PIEZO1: variants seen among roughly 807,000 people sequenced by gnomAD.
The protein encoded by PIEZO1 is piezo type mechanosensitive ion channel component 1 (Er blood group).
PIEZO1 carries 296 observed loss-of-function variants against 297.2 expected under a neutral mutation model. The observed-to-expected ratio is 1.00, with a 90% CI of 0.91 to 1.10. PIEZO1 has a LOEUF of 1.10. Ranked by LOEUF, PIEZO1 falls within the 50% of genes least tolerant of loss-of-function variation. The pLI, the probability that PIEZO1 is intolerant of heterozygous loss-of-function variation, is 0.00. For missense variants in PIEZO1, 5,018 were observed against 3,455.5 expected, an observed-to-expected ratio of 1.45 and a Z score of -11.34; for synonymous variants, 2,427 against 1,507.5, an observed-to-expected ratio of 1.61 and a Z score of -14.13.
At chr16:88,780,311 C>A (rs1484355067) in intron 1 of PIEZO1, among the ~76,000 whole-genome samples, 1 of 152,296 alleles carries the variant, frequency 6.6e-6, no homozygotes, top group African/African-American at 2.4e-5. Context: ...ATAGGCTCAA[C>A]AGCCGCACCC....
Position 88,733,008 on chromosome 16 carries a change from T to A in PIEZO1, c.2664+270A>T, listed in dbSNP as rs1158634042. Reference sequence around the variant, plus strand: ...GCAGAGATGCCTGACTGTCTCTCCCTGTCCAGGGGTGGGGCCCTCCCGTCC... The same window carrying A: ...GCAGAGATGCCTGACTGTCTCTCCCAGTCCAGGGGTGGGGCCCTCCCGTCC... On this transcript the variant is annotated intron_variant, in intron 19 of 50. Transcript: ENST00000301015. 1.0e-5 allele frequency: 6 copies of A among 579,308 alleles called. No homozygotes were observed. In the Admixed American group the frequency reaches 1.9e-4, roughly 18 times the overall value. The allele number at this position is 579,308 out of a possible 1,614,324, so 35.9% of individuals were successfully genotyped here. A position where few individuals can be genotyped will look rare whatever the true frequency, so the allele number is the denominator to read the frequency against.
chr16:88,727,896 G>C (rs562502451), intron 22 of PIEZO1: 10 of 354,884 alleles, frequency 2.8e-5, no homozygotes, highest in African/African-American at 1.7e-4. Context: ...GGAGGCCAGA[G>C]AGCACGGGGG....
Position 88,716,295 on chromosome 16 carries a change from C to CA in PIEZO1, c.7050-19dup. 1 of 1,488,094 alleles carries CA rather than the reference C, an allele frequency of 6.7e-7. No individual in the cohort carries two copies. The highest frequency in any genetic ancestry group is 9.0e-7 in the Non-Finnish European group (1 of 1,113,270). The allele number at this position is 1,488,094 out of a possible 1,614,324, so 92.2% of individuals were successfully genotyped here. ...GGATGACCCTGCAGGGAGGTGCTGG[C>CA]AGGTCAGGCCTGGCCCAGCCAACCT... On this transcript the variant is annotated intron_variant, in intron 48 of 50. Coordinates refer to ENST00000301015, the MANE Select transcript of PIEZO1 (RefSeq NM_001142864.4).
chr16:88,716,315 C>A lies in PIEZO1; in HGVS notation c.7050-38G>T, dbSNP rs942739465. 12 of 1,496,338 alleles carry A rather than the reference C, an allele frequency of 8.0e-6. No homozygotes were observed. The East Asian group carries it at 3.0e-4, about 37-fold the overall frequency. The allele number at this position is 1,496,338 out of a possible 1,614,324, so 92.7% of individuals were successfully genotyped here. A position where few individuals can be genotyped will look rare whatever the true frequency, so the allele number is the denominator to read the frequency against. ...GCTGGCAGGTCAGGCCTGGCCCAGCCAACCTGGCACAGCCCTCCTGCCCAC... is the reference window on the plus strand; with the variant it reads ...GCTGGCAGGTCAGGCCTGGCCCAGCAAACCTGGCACAGCCCTCCTGCCCAC... On this transcript the variant is annotated intron_variant, in intron 48 of 50. Transcript: ENST00000301015.
Position 88,735,201 on chromosome 16 carries a change from T to C in PIEZO1, c.1603A>G (p.Lys535Glu). ...TCTGCCCACTTCAGCAGCTTCTCTT[T>C]CACAAACTGGCGCAGCAGGAGCCAG... ...TFWLLLRQFV[K>E]EKLLKWAESP... Residue 535 changes from lysine (K) to glutamate (E), a missense_variant, in exon 13 of 51, where the codon AAA becomes GAA. Lys to Glu is a moderately conservative substitution (Grantham distance 56, BLOSUM62 1). Coordinates refer to ENST00000301015, the MANE Select transcript of PIEZO1 (RefSeq NM_001142864.4). 1.3e-6 allele frequency: 2 copies of C among 1,550,392 alleles called. No homozygotes were observed. The highest frequency in any genetic ancestry group is 1.7e-6 in the Non-Finnish European group (2 of 1,146,930).
intron 22 of PIEZO1, among the ~76,000 whole-genome samples, chr16:88,730,400 C>T (rs1255969318): frequency 6.6e-6 from 1 of 151,818 alleles, no homozygotes; most frequent in Admixed American, 6.6e-5. Flanking sequence ...GAGTTCAAGA[C>T]CAGCCTGGCC....
At chr16:88,779,906 G>T (rs910016145) in intron 1 of PIEZO1, among the ~76,000 whole-genome samples, 1 of 152,244 alleles carries the variant, frequency 6.6e-6, no homozygotes, top group African/African-American at 2.4e-5. Flanking sequence ...AGCCTTCCGG[G>T]GGGGACGGCT....
intron 1 of PIEZO1, among the ~76,000 whole-genome samples, chr16:88,757,432 G>T (rs1906730122): frequency 6.6e-6 from 1 of 151,940 alleles, no homozygotes; most frequent in Non-Finnish European, 1.5e-5. Flanking sequence ...GCAGGGGCGG[G>T]TGGGAACAGG....
At position 88,727,167 on chromosome 16, in the gene PIEZO1, G is replaced by C; in HGVS notation, c.3327C>G (p.Ala1109=). The part of the protein sequence containing the change: ...LISDFLLLLC[A]SQQWQVFSAE... ...CTGAGAACACCTGCCACTGCTGGGA[G>C]GCGCACAGCAGCAGGAGAAAGTCGC... The change falls in exon 24 of 51, where the codon GCC becomes GCG. Residue 1109 remains alanine, a synonymous_variant. Transcript: ENST00000301015. 6.5e-7 allele frequency: 1 copy of C among 1,545,372 alleles called. No homozygotes were observed. The highest frequency in any genetic ancestry group is 8.7e-7 in the Non-Finnish European group (1 of 1,143,646).
At chr16:88,770,929 G>C (rs1291221499) in intron 1 of PIEZO1, among the ~76,000 whole-genome samples, 1 of 152,184 alleles carries the variant, frequency 6.6e-6, no homozygotes, top group Non-Finnish European at 1.5e-5. Flanking sequence ...GGCGGCACTG[G>C]AGAGACTCCC....
intron 1 of PIEZO1, among the ~76,000 whole-genome samples, chr16:88,761,043 A>G (rs1906910668): frequency 1.3e-5 from 2 of 152,132 alleles, no homozygotes; most frequent in South Asian, 4.1e-4. Flanking sequence ...CCTCCCGGAC[A>G]CACTCAGCCC....
At position 88,722,669 on chromosome 16, in the gene PIEZO1, G is replaced by A. The variant is rs752838270; in HGVS notation, c.4689C>T (p.Gly1563=). 18 of 1,537,764 alleles carry A rather than the reference G, an allele frequency of 1.2e-5. No individual in the cohort carries two copies. Among genetic ancestry groups the A allele is most frequent in the African/African-American group, 8.2e-5 (6 of 73,026 alleles). The change falls in exon 35 of 51, where the codon GGC becomes GGT. Residue 1563 remains glycine (G), a synonymous_variant. Coordinates refer to ENST00000301015, the MANE Select transcript of PIEZO1 (RefSeq NM_001142864.4). ...ELLQGGEVHR[G]VLDQLYTSQA... ...GGCTTGTGTACAGCTGATCCAGCAC[G>A]CCCCTGTGCACTTCGCCGCCCTGCA... is the stretch of plus-strand genomic sequence containing the variant.
intron 5 of PIEZO1, chr16:88,741,228 G>A (rs374647923): frequency 4.4e-6 from 2 of 451,920 alleles, no homozygotes; most frequent in Non-Finnish European, 8.0e-6. Context: ...GAGTTCCTAA[G>A]GGCACAGATG....
rs139681582 is a variant in PIEZO1, at chr16:88,749,208, C to G, written c.160+176G>C. On this transcript the variant is annotated intron_variant, in intron 2 of 50. Transcript: ENST00000301015. The stretch of plus-strand genomic sequence containing the variant: ...TGAGCAGAGATCGCGCCACTGCACT[C>G]CAGCCTGGGCGACTGAGCGAGACTC... Among the ~76,000 whole-genome samples, 4,950 of 152,062 alleles carry G rather than the reference C, an allele frequency of 0.033. 133 individuals are homozygous for G. Among genetic ancestry groups the G allele is most frequent in the East Asian group, 0.16 (817 of 5,128 alleles).
chr16:88,720,095 G>C lies in PIEZO1; in HGVS notation c.6138C>G (p.Phe2046Leu). The C allele has an allele frequency of 6.5e-7, 1 of 1,550,386 alleles. No homozygotes were observed. Among genetic ancestry groups the C allele is most frequent in the Non-Finnish European group, 8.7e-7 (1 of 1,146,984 alleles). Residue 2046 changes from phenylalanine to leucine, a missense_variant, in exon 42 of 51, where the codon TTC (phenylalanine) becomes TTG (leucine). Coordinates refer to ENST00000301015, the MANE Select transcript of PIEZO1 (RefSeq NM_001142864.4). ...TCTCAGTGACGGCGGGCAGGATGAA[G>C]AACATCCATAGGTGGATGGCCAGCA... ...ALVLAIHLWM[F>L]FILPAVTERM...
chr16:88,736,002 T>C, intron 12 of PIEZO1, 146 bp downstream of exon 12: 1 of 768,682 alleles, frequency 1.3e-6, no homozygotes, highest in South Asian at 1.8e-5. Context: ...TACTCTGGGC[T>C]GGCTCTGGGT....
chr16:88,735,302 G>GCC (rs1490774063), intron 12 of PIEZO1, 56 bp from the exon 13 acceptor site: 1 of 1,274,768 alleles, frequency 7.8e-7, no homozygotes, highest in African/African-American at 1.5e-5. Flanking sequence ...CCCTCCCACA[G>GCC]CCGGGGGACC....
intron 1 of PIEZO1, among the ~76,000 whole-genome samples, chr16:88,757,776 G>A (rs1906746466): frequency 6.6e-6 from 1 of 152,156 alleles, no homozygotes; most frequent in Admixed American, 6.5e-5. Context: ...ACCTAAGGGT[G>A]GCACCATCCC....
rs143301625 is a variant in PIEZO1, at chr16:88,736,626, C to A, written c.1296+13G>T. ...AGAGGGGGCCGCCCACCCCAACCCCCACAGCCGCCTACCATCATGGCAATG... is the reference window on the plus strand; with the variant it reads ...AGAGGGGGCCGCCCACCCCAACCCCAACAGCCGCCTACCATCATGGCAATG... On this transcript the variant is annotated intron_variant, in intron 11 of 50. Transcript: ENST00000301015. The A allele has an allele frequency of 1.4e-4, 206 of 1,522,066 alleles. No individual in the cohort carries two copies. In the African/African-American group the frequency reaches 2.5e-3, roughly 18 times the overall value. The allele number at this position is 1,522,066 out of a possible 1,614,324, so 94.3% of individuals were successfully genotyped here.
Sources: allele counts gnomAD v4.1 joint callset (sites outside exome capture counted in the v4.1 genomes callset), GRCh38; gene constraint gnomAD v4.1.1; transcripts MANE v1.5; gene names NCBI Gene and HGNC (gene_info 2026-07-23, HGNC 2026-07-21).